Variants in STX8 observed in about 807,000 individuals in gnomAD.
The protein encoded by STX8 is syntaxin 8.
In STX8, 23 loss-of-function variants were observed where a neutral mutation model predicts 37.5. The observed-to-expected ratio is 0.61, with a 90% CI of 0.44 to 0.87. The LOEUF is 0.87. Ranked by LOEUF, STX8 falls within the 40% of genes least tolerant of loss-of-function variation. STX8 has a pLI of 0.00. For missense variants in STX8, 313 were observed against 284.7 expected, an observed-to-expected ratio of 1.10 and a Z score of -0.71; for synonymous variants, 115 against 99.1, an observed-to-expected ratio of 1.16 and a Z score of -0.95.
intron 7 of STX8, among the ~76,000 whole-genome samples, chr17:9,278,173 T>C (rs544549097): frequency 6.6e-6 from 1 of 151,300 alleles, no homozygotes; most frequent in Non-Finnish European, 1.5e-5. Flanking sequence ...TAGGGCCGGA[T>C]GCAGTGGCTT....
chr17:9,452,852 G>T (rs1300157549), intron 6 of STX8, among the ~76,000 whole-genome samples: 1 of 151,458 alleles, frequency 6.6e-6, no homozygotes, highest in African/African-American at 2.4e-5. Flanking sequence ...AGGCTGCAGT[G>T]CTATAGTGCA....
intron 7 of STX8, among the ~76,000 whole-genome samples, chr17:9,341,090 C>T (rs1337117170): frequency 6.6e-6 from 1 of 150,670 alleles, no homozygotes; most frequent in Non-Finnish European, 1.5e-5. Flanking sequence ...CTAGTAGATA[C>T]CACCTTTAAA....
At chr17:9,520,616 C>A (rs1905306983) in intron 4 of STX8, among the ~76,000 whole-genome samples, 2 of 152,146 alleles carry the variant, frequency 1.3e-5, no homozygotes, top group African/African-American at 4.8e-5. Context: ...ACAATCACTT[C>A]TAAAGACATA....
chr17:9,291,403 T>C (rs1908307766), intron 7 of STX8, among the ~76,000 whole-genome samples: 1 of 145,490 alleles, frequency 6.9e-6, no homozygotes, highest in Non-Finnish European at 1.5e-5. Context: ...ATCACGCCAC[T>C]GCACTCCAGC....
chr17:9,555,036 T>C (rs1906912414), intron 3 of STX8: 1 of 152,190 alleles, frequency 6.6e-6, no homozygotes. Context: ...AGATCAATTA[T>C]TTGAAAAAAT....
At position 9,505,061 on chromosome 17, in the gene STX8, T is replaced by G. The variant is rs1451696980; in HGVS notation, c.425A>C (p.Gln142Pro). The G allele has an allele frequency of 6.2e-7, 1 of 1,613,508 alleles. No individual in the cohort carries two copies. The highest frequency in any genetic ancestry group is 2.2e-5 in the East Asian group (1 of 44,890). ...TRGLGFDEIR[Q>P]QQQKIIQEQD... The stretch of plus-strand genomic sequence containing the variant: ...ACCTTGGATAATTTTCTGCTGCTGT[T>G]GCCGGATTTCATCAAAACCCAAGCC... The change falls in exon 5 of 8, where the codon CAA (glutamine) becomes CCA (proline). Residue 142 changes from glutamine (Q) to proline (P), a missense_variant. Transcript: ENST00000306357.
At chr17:9,536,744 ATTATT>A (rs1198183875) in intron 4 of STX8, among the ~76,000 whole-genome samples, 1 of 133,722 alleles carries the variant, frequency 7.5e-6, no homozygotes, top group Non-Finnish European at 1.6e-5. Context: ...TGGGCTTATT[ATTATT>A]TTTTTTTTTT....
chr17:9,362,844 T>TAA (rs1369622648), intron 7 of STX8, among the ~76,000 whole-genome samples: 2 of 137,460 alleles, frequency 1.5e-5, no homozygotes, highest in Admixed American at 7.6e-5. Context: ...AAAAAAAAAA[T>TAA]AAATAAATAA....
At chr17:9,321,893 CT>C (rs917958440) in intron 7 of STX8, among the ~76,000 whole-genome samples, 8 of 152,302 alleles carry the variant, frequency 5.3e-5, no homozygotes, top group Admixed American at 2.6e-4. Flanking sequence ...CTGATTGACT[CT>C]GGAGATCAGG....
intron 7 of STX8, among the ~76,000 whole-genome samples, chr17:9,353,205 G>T (rs1910767846): frequency 6.6e-6 from 1 of 152,138 alleles, no homozygotes; most frequent in African/African-American, 2.4e-5. Context: ...TGACCTGTGG[G>T]AGTCCCTATA....
chr17:9,408,970 G>A (rs774163127), intron 6 of STX8, among the ~76,000 whole-genome samples: 2 of 152,060 alleles, frequency 1.3e-5, no homozygotes, highest in Non-Finnish European at 2.9e-5. Flanking sequence ...CTCAGGCCAA[G>A]CCACAAACTG....
chr17:9,445,947 C>A (rs770246009), intron 6 of STX8, among the ~76,000 whole-genome samples: 47 of 151,392 alleles, frequency 3.1e-4, no homozygotes, highest in Non-Finnish European at 7.4e-5. Context: ...ACGCCATTCC[C>A]GACTCGGCCT....
At chr17:9,318,062 A>G (rs990633942) in intron 7 of STX8, among the ~76,000 whole-genome samples, 5 of 152,206 alleles carry the variant, frequency 3.3e-5, no homozygotes, top group African/African-American at 1.2e-4. Flanking sequence ...AGCAAAGTCT[A>G]TGGCATGCTA....
intron 6 of STX8, among the ~76,000 whole-genome samples, chr17:9,462,239 G>A (rs1038354483): frequency 2.0e-5 from 3 of 152,096 alleles, no homozygotes; most frequent in African/African-American, 4.8e-5. Flanking sequence ...GAGGCCAAGC[G>A]CATGAGACCT....
chr17:9,457,749 G>A (rs1490758564), intron 6 of STX8, among the ~76,000 whole-genome samples: 6 of 152,232 alleles, frequency 3.9e-5, no homozygotes, highest in Non-Finnish European at 7.3e-5. Context: ...ATACTTTGTA[G>A]AGGAATAAAA....
intron 7 of STX8, among the ~76,000 whole-genome samples, chr17:9,350,488 C>A (rs1284552746): frequency 6.6e-6 from 1 of 152,082 alleles, no homozygotes; most frequent in African/African-American, 2.4e-5. Context: ...ATCATATTTG[C>A]CTAATGCGAC....
chr17:9,290,187 G>T (rs1419872057), intron 7 of STX8, among the ~76,000 whole-genome samples: 1 of 152,174 alleles, frequency 6.6e-6, no homozygotes, highest in East Asian at 1.9e-4. Flanking sequence ...GTAGGGGAAG[G>T]AAGGTGAAAC....
At chr17:9,286,598 C>A (rs1908080336) in intron 7 of STX8, among the ~76,000 whole-genome samples, 1 of 150,804 alleles carries the variant, frequency 6.6e-6, no homozygotes, top group Non-Finnish European at 1.5e-5. Flanking sequence ...CTTCAACCTT[C>A]AGACAACTCT....
chr17:9,499,432 C>T (rs1904529376), intron 5 of STX8, among the ~76,000 whole-genome samples: 1 of 152,120 alleles, frequency 6.6e-6, no homozygotes, highest in Admixed American at 6.6e-5. Flanking sequence ...AGCAGTCTTG[C>T]CCTGTCGCCA....
Sources: gnomAD v4.1 joint callset for allele counts (sites outside exome capture counted in the v4.1 genomes callset) on GRCh38, gnomAD v4.1.1 for gene constraint, MANE v1.5 for transcripts, NCBI Gene and HGNC (gene_info 2026-07-23, HGNC 2026-07-21) for gene names.